The following GNAQ variants were observed in gnomAD, a reference collection of about 807,000 sequenced individuals.
The protein encoded by GNAQ is guanine nucleotide-binding protein G(q) subunit alpha.
GNAQ carries 8 observed loss-of-function variants against 43.9 expected under a neutral mutation model. That is an observed-to-expected ratio of 0.18 (90% CI 0.11 to 0.33). The LOEUF (loss-of-function observed/expected upper bound fraction) is 0.33. Among genes scored for constraint, GNAQ ranks in the 10% least tolerant of loss-of-function variants. The pLI, the probability that GNAQ is intolerant of heterozygous loss-of-function variation, is 1.00. For synonymous variants in GNAQ, 155 were observed against 170.7 expected (o/e 0.91, Z 0.71); for missense variants, 158 against 450.8 (o/e 0.35, Z 5.88).
At chr9:77,842,159 C>A (rs1280679909) in intron 2 of GNAQ, among the ~76,000 whole-genome samples, 2 of 152,196 alleles carry the variant, frequency 1.3e-5, no homozygotes, top group African/African-American at 4.8e-5. Flanking sequence ...AGAGAGCTGT[C>A]ATCAGAGCTA....
chr9:77,854,390 T>C (rs1164836467), intron 2 of GNAQ, among the ~76,000 whole-genome samples: 1 of 152,202 alleles, frequency 6.6e-6, no homozygotes, highest in Non-Finnish European at 1.5e-5. Flanking sequence ...TATGTGCTAT[T>C]GTCAGGAAAT....
rs1828790714 is a variant in GNAQ at position 77,910,894 on chromosome 9, C to T, written c.321+11267G>A. Among the ~76,000 whole-genome samples the T allele has an allele frequency of 2.6e-5, 4 of 152,154 alleles. No individual in the cohort carries two copies. The South Asian group carries it at 8.3e-4, about 31-fold the overall frequency. ...AACAGTTTTGTCGTAGAGTATGTTT[C>T]AAACCAAGTTGTGTATGACTCCAGT... On this transcript the variant is annotated intron_variant, in intron 2 of 6. Transcript: ENST00000286548.
At chr9:77,963,327 C>G (rs148763271) in intron 1 of GNAQ, among the ~76,000 whole-genome samples, 221 of 152,172 alleles carry the variant, frequency 1.5e-3, no homozygotes, top group Non-Finnish European at 2.6e-3. Context: ...TAGAAACAGT[C>G]GACACCACAG....
At chr9:78,030,647 G>C in intron 1 of GNAQ, 2 of 431,324 alleles carry the variant, frequency 4.6e-6, no homozygotes, top group Admixed American at 5.1e-5. Flanking sequence ...CCCCGGCTCC[G>C]CTCGCCACCC....
intron 1 of GNAQ, among the ~76,000 whole-genome samples, chr9:78,001,025 TAAAG>T (rs1395602986): frequency 2.6e-5 from 4 of 152,150 alleles, no homozygotes; most frequent in African/African-American, 4.8e-5. Context: ...AAACAGCAAA[TAAAG>T]AAATTAAACA....
chr9:77,726,565 G>T (rs1383766237), intron 6 of GNAQ, among the ~76,000 whole-genome samples: 1 of 152,088 alleles, frequency 6.6e-6, no homozygotes, highest in Non-Finnish European at 1.5e-5. Flanking sequence ...TTTAATCTTG[G>T]TTTTTAAAGT....
intron 2 of GNAQ, among the ~76,000 whole-genome samples, chr9:77,864,945 GC>G (rs1409558820): frequency 6.6e-6 from 1 of 152,070 alleles, no homozygotes; most frequent in African/African-American, 2.4e-5. Flanking sequence ...TTTTGAGTGT[GC>G]CCTTGTTGGA....
intron 1 of GNAQ, among the ~76,000 whole-genome samples, chr9:77,941,277 T>C (rs909655693): frequency 6.6e-6 from 1 of 150,552 alleles, no homozygotes; most frequent in Non-Finnish European, 1.5e-5. Flanking sequence ...TGAGACAGAG[T>C]CTCGCTCTGT....
At chr9:77,819,002 C>CAAAAAAA (rs10547681) in intron 2 of GNAQ, among the ~76,000 whole-genome samples, 3 of 45,290 alleles carry the variant, frequency 6.6e-5, no homozygotes, top group African/African-American at 2.1e-4. Flanking sequence ...ACCATCTCTC[C>CAAAAAAA]AAAAAAAAAA....
chr9:77,951,326 G>A (rs1478254647), intron 1 of GNAQ, among the ~76,000 whole-genome samples: 1 of 151,936 alleles, frequency 6.6e-6, no homozygotes, highest in East Asian at 1.9e-4. Flanking sequence ...TTGAACTCCT[G>A]GCCTCAAGTG....
chr9:77,822,073 C>T (rs900332458), intron 2 of GNAQ, among the ~76,000 whole-genome samples: 15 of 152,272 alleles, frequency 9.9e-5, no homozygotes, highest in Admixed American at 3.9e-4. Flanking sequence ...GAGGTCTGTG[C>T]TGCAGAACAC....
At chr9:78,029,024 T>G (rs1436262983) in intron 1 of GNAQ, among the ~76,000 whole-genome samples, 2 of 152,190 alleles carry the variant, frequency 1.3e-5, no homozygotes, top group African/African-American at 2.4e-5. Flanking sequence ...GTAAAATTGG[T>G]TTACACTTTT....
chr9:77,779,648 AC>A (rs1332101803), intron 5 of GNAQ, among the ~76,000 whole-genome samples: 2 of 148,224 alleles, frequency 1.3e-5, no homozygotes, highest in Non-Finnish European at 3.0e-5. Context: ...TAAAACAAAT[AC>A]GCCTTTAGCC....
intron 3 of GNAQ, among the ~76,000 whole-genome samples, chr9:77,810,892 G>A (rs1826910795): frequency 6.6e-6 from 1 of 152,182 alleles, no homozygotes. Context: ...TACTGGTGTT[G>A]GGCAAGGCTT....
intron 2 of GNAQ, among the ~76,000 whole-genome samples, chr9:77,857,685 GGA>G (rs1428989251): frequency 4.4e-4 from 13 of 29,570 alleles, no homozygotes; most frequent in African/African-American, 7.4e-4. Context: ...AGGAGGGGAA[GGA>G]GAGAAAGGAA....
intron 5 of GNAQ, among the ~76,000 whole-genome samples, chr9:77,733,304 GAT>G (rs1564094214): frequency 6.6e-6 from 1 of 152,146 alleles, no homozygotes; most frequent in East Asian, 1.9e-4. Context: ...CAAGATCTCC[GAT>G]ATCCTGAACA....
intron 5 of GNAQ, among the ~76,000 whole-genome samples, chr9:77,735,684 G>A (rs1272243489): frequency 6.6e-6 from 1 of 152,206 alleles, no homozygotes; most frequent in African/African-American, 2.4e-5. Context: ...TGTTGGGGCG[G>A]GAGGTGGGAA....
chr9:77,881,925 G>A (rs1185759818), intron 2 of GNAQ, among the ~76,000 whole-genome samples: 3 of 152,104 alleles, frequency 2.0e-5, no homozygotes, highest in South Asian at 4.2e-4. Flanking sequence ...ATCACTTGAG[G>A]TCAGGAGTTC....
At chr9:77,981,560 T>C (rs1015833227) in intron 1 of GNAQ, among the ~76,000 whole-genome samples, 9 of 152,202 alleles carry the variant, frequency 5.9e-5, no homozygotes, top group Admixed American at 1.3e-4. Context: ...ATCAGGAAGT[T>C]CATAGCTGGC....
Sources: gnomAD v4.1 joint callset for allele counts (sites outside exome capture counted in the v4.1 genomes callset) on GRCh38, gnomAD v4.1.1 for gene constraint, MANE v1.5 for transcripts, NCBI Gene and HGNC (gene_info 2026-07-23, HGNC 2026-07-21) for gene names.